Variants in SLC24A2 observed in about 807,000 individuals in gnomAD.
The protein encoded by SLC24A2 is solute carrier family 24 member 2.
SLC24A2 carries 36 observed loss-of-function variants against 62.0 expected under a neutral mutation model. The ratio of observed to expected loss-of-function variants is 0.58; its 90% CI spans 0.44 to 0.77. SLC24A2 has a LOEUF of 0.77. SLC24A2 is among the 30% of genes least tolerant of loss of function. The probability of loss-of-function intolerance (pLI) is 0.00; values close to 1 mark genes in which losing one functional copy is unlikely to be tolerated. For synonymous variants in SLC24A2, 358 were observed against 294.0 expected, an observed-to-expected ratio of 1.22 and a Z score of -2.23; for missense variants, 846 against 817.9, an observed-to-expected ratio of 1.03 and a Z score of -0.42.
chr9:19,525,765 G>GTTTT (rs71496823), intron 9 of SLC24A2, among the ~76,000 whole-genome samples: 42 of 99,130 alleles, frequency 4.2e-4, no homozygotes, highest in Admixed American at 1.3e-3. Context: ...ACATGCTACT[G>GTTTT]TTTTTTTTTT....
the SLC24A2 span, among the ~76,000 whole-genome samples, chr9:19,925,104 A>G: frequency 4.6e-5 from 7 of 152,240 alleles, no homozygotes; most frequent in Non-Finnish European, 7.3e-5. Context: ...AGCCTACATT[A>G]TCACTCCCAG....
intron 5 of SLC24A2, among the ~76,000 whole-genome samples, chr9:19,581,121 C>T (rs1836195682): frequency 6.6e-6 from 1 of 152,200 alleles, no homozygotes; most frequent in South Asian, 2.1e-4. Context: ...TCAATCCACA[C>T]AGGCCGAGCT....
chr9:19,656,742 C>G (rs1000035208), intron 2 of SLC24A2, among the ~76,000 whole-genome samples: 6 of 152,156 alleles, frequency 3.9e-5, no homozygotes, highest in Non-Finnish European at 8.8e-5. Flanking sequence ...TTCCCTTCAC[C>G]TCCTTCTCTT....
chr9:19,689,663 A>G (rs1253974512), intron 2 of SLC24A2, among the ~76,000 whole-genome samples: 1 of 152,046 alleles, frequency 6.6e-6, no homozygotes, highest in African/African-American at 2.4e-5. Flanking sequence ...GCCATGTCCA[A>G]TGTGTAAGGC....
the SLC24A2 span, among the ~76,000 whole-genome samples, chr9:20,197,648 T>C: frequency 6.6e-6 from 1 of 152,028 alleles, no homozygotes; most frequent in East Asian, 1.9e-4. Flanking sequence ...GCCAAGCTGG[T>C]CTTGAACTCC....
chr9:19,834,130 ACAGAG>A, the SLC24A2 span, among the ~76,000 whole-genome samples: 6 of 152,168 alleles, frequency 3.9e-5, no homozygotes, highest in Non-Finnish European at 7.3e-5. Flanking sequence ...TAGGGAAAAA[ACAGAG>A]CAGAAAAACT....
chr9:19,721,468 T>C (rs1328331905), intron 2 of SLC24A2, among the ~76,000 whole-genome samples: 2 of 152,172 alleles, frequency 1.3e-5, no homozygotes, highest in Non-Finnish European at 1.5e-5. Context: ...AAGACAGAAA[T>C]ATGTGTTCCA....
intron 2 of SLC24A2, among the ~76,000 whole-genome samples, chr9:19,628,269 A>G (rs1466567580): frequency 1.3e-5 from 2 of 152,188 alleles, no homozygotes; most frequent in Non-Finnish European, 2.9e-5. Context: ...CACTGGCTAA[A>G]TTAACAGTAA....
At chr9:19,959,763 T>C in the SLC24A2 span, among the ~76,000 whole-genome samples, 2 of 152,228 alleles carry the variant, frequency 1.3e-5, no homozygotes, top group Non-Finnish European at 2.9e-5. Flanking sequence ...TAACAATTGC[T>C]GGTACTCACT....
At chr9:19,817,554 G>C in the SLC24A2 span, among the ~76,000 whole-genome samples, 1 of 150,844 alleles carries the variant, frequency 6.6e-6, no homozygotes, top group African/African-American at 2.4e-5. Context: ...ATTTTATAAT[G>C]GCCATATGAA....
the SLC24A2 span, among the ~76,000 whole-genome samples, chr9:20,093,149 G>A: frequency 5.3e-5 from 8 of 151,500 alleles, no homozygotes; most frequent in Admixed American, 1.3e-4. Flanking sequence ...TCGACTCACC[G>A]CCACCTCCAC....
the SLC24A2 span, among the ~76,000 whole-genome samples, chr9:20,143,007 T>A: frequency 6.6e-6 from 1 of 152,208 alleles, no homozygotes; most frequent in Admixed American, 6.5e-5. Flanking sequence ...GAAACAGATA[T>A]GACTATACAC....
the SLC24A2 span, among the ~76,000 whole-genome samples, chr9:19,885,240 C>T: frequency 3.3e-5 from 5 of 152,260 alleles, no homozygotes; most frequent in South Asian, 1.0e-3. Flanking sequence ...TGGCCAGATG[C>T]ATGCTAACGT....
the SLC24A2 span, among the ~76,000 whole-genome samples, chr9:20,162,628 G>T: frequency 5.3e-4 from 81 of 151,982 alleles, no homozygotes; most frequent in African/African-American, 1.4e-3. Flanking sequence ...TAACTCATTT[G>T]ATGAGGCCAG....
the SLC24A2 span, among the ~76,000 whole-genome samples, chr9:20,054,742 C>T: frequency 6.6e-6 from 1 of 152,194 alleles, no homozygotes. Context: ...TCCAATTGCA[C>T]TGCACAAAAT....
At chr9:19,531,865 T>C in intron 8 of SLC24A2, among the ~76,000 whole-genome samples, 1 of 152,146 alleles carries the variant, frequency 6.6e-6, no homozygotes, top group East Asian at 1.9e-4. Flanking sequence ...TAACATCTAG[T>C]TGTTTTGAGG....
Position 19,545,534 on chromosome 9 carries a change from C to T in SLC24A2, c.1479+4603G>A, listed in dbSNP as rs116901875. Reference sequence around the variant, plus strand: ...GTTTTTGGAATTTTCAGCCTTTTTGCGCGGGTTTCTCCCCATCTTAGTGAA... The same window carrying T: ...GTTTTTGGAATTTTCAGCCTTTTTGTGCGGGTTTCTCCCCATCTTAGTGAA... On this transcript the variant is annotated intron_variant, in intron 8 of 10. Transcript: ENST00000341998. 1.9e-3 allele frequency among the ~76,000 whole-genome samples: 290 copies of T among 152,120 alleles called. 6 individuals are homozygous for T. In the East Asian group the frequency reaches 0.041, roughly 22 times the overall value.
chr9:19,734,446 G>C (rs901671238), intron 2 of SLC24A2, among the ~76,000 whole-genome samples: 8 of 152,136 alleles, frequency 5.3e-5, no homozygotes, highest in Non-Finnish European at 1.2e-4. Context: ...GCTTGATGGG[G>C]ATGGCATTGA....
chr9:19,579,819 G>A (rs1416056148), intron 5 of SLC24A2, among the ~76,000 whole-genome samples: 1 of 152,156 alleles, frequency 6.6e-6, no homozygotes, highest in African/African-American at 2.4e-5. Context: ...GTGTGCCAGA[G>A]AGAAATGGTA....
Sources: allele counts gnomAD v4.1 joint callset (sites outside exome capture counted in the v4.1 genomes callset), GRCh38; gene constraint gnomAD v4.1.1; transcripts MANE v1.5; gene names NCBI Gene and HGNC (gene_info 2026-07-23, HGNC 2026-07-21).